TIAM1: variants seen among roughly 807,000 people sequenced by gnomAD.
TIAM1 encodes the protein rho guanine nucleotide exchange factor TIAM1.
In TIAM1, 65 loss-of-function variants were observed where a neutral mutation model predicts 163.5. The ratio of observed to expected loss-of-function variants is 0.40; its 90% CI spans 0.33 to 0.49. The LOEUF is 0.49. Ranked by LOEUF, TIAM1 falls within the 20% of genes least tolerant of loss-of-function variation. The pLI is 0.77. For missense variants in TIAM1, 1,789 were observed against 2,044.7 expected (o/e 0.87, Z 2.41); for synonymous variants, 833 against 810.1 (o/e 1.03, Z -0.48).
chr21:31,524,013 A>G (rs55717995), intron 1 of TIAM1, among the ~76,000 whole-genome samples: 15,333 of 149,252 alleles, frequency 0.1, 1,716 homozygotes, highest in East Asian at 0.62. Flanking sequence ...CCAGACCCCA[A>G]CTCAAAAAAA....
At chr21:31,219,660 G>A (rs2087434896) in intron 8 of TIAM1, among the ~76,000 whole-genome samples, 1 of 152,052 alleles carries the variant, frequency 6.6e-6, no homozygotes, top group Non-Finnish European at 1.5e-5. Flanking sequence ...AAGGTTTTTG[G>A]ACCCAAACAA....
At chr21:31,241,017 G>A (rs2071144268) in intron 6 of TIAM1, among the ~76,000 whole-genome samples, 1 of 152,086 alleles carries the variant, frequency 6.6e-6, no homozygotes, top group Non-Finnish European at 1.5e-5. Flanking sequence ...GAAATCTGAT[G>A]GTTTTATAAA....
intron 2 of TIAM1, among the ~76,000 whole-genome samples, chr21:31,302,476 G>A (rs764224358): frequency 1.3e-5 from 2 of 152,104 alleles, no homozygotes; most frequent in African/African-American, 4.8e-5. Flanking sequence ...TCTCTTCCAC[G>A]TAAAAGGCTC....
chr21:31,407,564 G>T (rs2147231410), intron 2 of TIAM1, among the ~76,000 whole-genome samples: 1 of 151,994 alleles, frequency 6.6e-6, no homozygotes, highest in African/African-American at 2.4e-5. Flanking sequence ...CCCATCGGGA[G>T]CAGGCTCCAG....
chr21:31,406,522 C>CG (rs71318271), intron 2 of TIAM1, among the ~76,000 whole-genome samples: 69 of 152,164 alleles, frequency 4.5e-4, no homozygotes, highest in Non-Finnish European at 7.1e-4. Context: ...TGCCCTACAG[C>CG]AGCATGTGTT....
chr21:31,184,663 C>T (rs891204858), intron 14 of TIAM1, among the ~76,000 whole-genome samples: 1 of 152,096 alleles, frequency 6.6e-6, no homozygotes, highest in Non-Finnish European at 1.5e-5. Flanking sequence ...CCGGCACACT[C>T]GTTGTGATGA....
chr21:31,228,245 A>AATCTGATAAGGATTTTTCCTTT (rs1555897901), intron 6 of TIAM1, among the ~76,000 whole-genome samples: 2 of 67,090 alleles, frequency 3.0e-5, no homozygotes, highest in Admixed American at 2.5e-4. Context: ...AAAAAAAAAA[A>AATCTGATAAGGATTTTTCCTTT]AAAAAAAAAA....
chr21:31,423,894 T>G (rs2043688124), intron 2 of TIAM1, among the ~76,000 whole-genome samples: 5 of 128,354 alleles, frequency 3.9e-5, no homozygotes, highest in South Asian at 2.7e-4. Context: ...TGGGGAGAAA[T>G]AGGGAATGAT....
intron 2 of TIAM1, among the ~76,000 whole-genome samples, chr21:31,450,249 C>A (rs2044776806): frequency 6.6e-6 from 1 of 152,280 alleles, no homozygotes; most frequent in South Asian, 2.1e-4. Flanking sequence ...GAGGCCCCAT[C>A]CAACTTCCCT....
intron 2 of TIAM1, among the ~76,000 whole-genome samples, chr21:31,312,798 A>G (rs534324621): frequency 6.6e-6 from 1 of 152,340 alleles, no homozygotes; most frequent in African/African-American, 2.4e-5. Context: ...TGCTAGATAC[A>G]GTAACTGCAT....
Position 31,151,591 on chromosome 21 carries a change from A to G in TIAM1, c.3366+1045T>C, listed in dbSNP as rs542278929. ...CAGTAAGAGGCAGAAGAGAAAAACC[A>G]CAAAAGGGCAGGACAAGACTTTCAG... is the stretch of plus-strand genomic sequence containing the variant. On this transcript the variant is annotated intron_variant, in intron 19 of 27. Coordinates refer to ENST00000541036, the MANE Select transcript of TIAM1 (RefSeq NM_001353694.2). Among the ~76,000 whole-genome samples, 4 of 152,280 alleles carry G rather than the reference A, an allele frequency of 2.6e-5. No homozygotes were observed. The East Asian group carries it at 7.7e-4, about 29-fold the overall frequency.
rs1397808870 is a variant in TIAM1 at position 31,223,575 on chromosome 21, T to C, written c.1826A>G (p.Gln609Arg). 1 of 1,596,768 alleles carries C rather than the reference T, an allele frequency of 6.3e-7. No homozygotes were observed. The highest frequency in any genetic ancestry group is 8.5e-7 in the Non-Finnish European group (1 of 1,172,218). ...TILDQIFVWE[Q>R]NLEQFQMDLF... ...GTCCATTTGGAACTGCTCGAGATTT[T>C]GCTCCCAGACAAAGATCTATGGTAG... The change falls in exon 8 of 28, where the codon CAA (glutamine) becomes CGA (arginine). Residue 609 changes from glutamine (Q) to arginine (R), a missense_variant. Transcript: ENST00000541036.
At chr21:31,386,111 G>C (rs2076866917) in intron 2 of TIAM1, among the ~76,000 whole-genome samples, 1 of 152,054 alleles carries the variant, frequency 6.6e-6, no homozygotes, top group South Asian at 2.1e-4. Context: ...TATGTGGAGG[G>C]GCTGCCAGGG....
chr21:31,142,999 G>A (rs936405677), intron 20 of TIAM1, among the ~76,000 whole-genome samples: 3 of 152,152 alleles, frequency 2.0e-5, no homozygotes, highest in African/African-American at 7.2e-5. Flanking sequence ...GGAAGAGGAG[G>A]GGACAGTGTA....
chr21:31,225,696 G>T (rs1048668279), intron 7 of TIAM1, 30 bp downstream of exon 7: 26 of 1,436,858 alleles, frequency 1.8e-5, no homozygotes, highest in South Asian at 2.3e-5. Flanking sequence ...TAACAATTTT[G>T]TCCGGACCTA....
At chr21:31,385,718 A>T (rs796918279) in intron 2 of TIAM1, among the ~76,000 whole-genome samples, 11 of 65,312 alleles carry the variant, frequency 1.7e-4, no homozygotes, top group East Asian at 4.8e-4. Context: ...TGGAAGATTT[A>T]AAAAAAAAAA....
chr21:31,434,316 T>A (rs1460045265), intron 2 of TIAM1, among the ~76,000 whole-genome samples: 1 of 152,146 alleles, frequency 6.6e-6, no homozygotes, highest in Non-Finnish European at 1.5e-5. Context: ...TCTAACAGAC[T>A]AAATACCAAA....
rs531261930 is a variant in TIAM1 at position 31,362,142 on chromosome 21, G to A, written c.-368-22720C>T. 1.6e-4 allele frequency among the ~76,000 whole-genome samples: 25 copies of A among 151,894 alleles called. No homozygotes were observed. In the South Asian group the frequency reaches 4.6e-3, roughly 28 times the overall value. Reference sequence around the variant, plus strand: ...GCCACTGTACTACAGCTTGGGTGACGGAGCTGTCACCCTATCCCTTTTAAA... The same window carrying A: ...GCCACTGTACTACAGCTTGGGTGACAGAGCTGTCACCCTATCCCTTTTAAA... On this transcript the variant is annotated intron_variant, in intron 2 of 28. Transcript: ENST00000286827.
chr21:31,353,109 CACAGCAGTAGGGA>C (rs1199168723), intron 2 of TIAM1, among the ~76,000 whole-genome samples: 1 of 152,136 alleles, frequency 6.6e-6, no homozygotes, highest in Non-Finnish European at 1.5e-5. Flanking sequence ...ATGCTGGAGG[CACAGCAGTAGGGA>C]ACAGCTGCTT....
Sources: gnomAD v4.1 joint callset for allele counts (sites outside exome capture counted in the v4.1 genomes callset) on GRCh38, gnomAD v4.1.1 for gene constraint, MANE v1.5 for transcripts, NCBI Gene and HGNC (gene_info 2026-07-23, HGNC 2026-07-21) for gene names.